BCR: variants seen among roughly 807,000 people sequenced by gnomAD.
The protein encoded by BCR is breakpoint cluster region protein.
Under a neutral mutation model 138.6 loss-of-function variants are expected in BCR, and 58 were observed. The ratio of observed to expected loss-of-function variants is 0.42; its 90% CI spans 0.34 to 0.52. The LOEUF (loss-of-function observed/expected upper bound fraction) is 0.52. Among genes scored for constraint, BCR ranks in the 20% least tolerant of loss-of-function variants. The pLI, the probability that BCR is intolerant of heterozygous loss-of-function variation, is 0.06. For missense variants in BCR, 1,599 were observed against 1,727.2 expected (o/e 0.93, Z 1.32); for synonymous variants, 786 against 730.1 (o/e 1.08, Z -1.23).
intron 16 of BCR, among the ~76,000 whole-genome samples, chr22:23,298,280 C>T (rs939502104): frequency 1.3e-5 from 2 of 152,054 alleles, no homozygotes; most frequent in Non-Finnish European, 2.9e-5. Context: ...CGGGGGATGG[C>T]GTGGGGTGAG....
In BCR at chr22:23,219,185, G is replaced by A. The variant is rs140934358; in HGVS notation, c.1280-34614G>A. On this transcript the variant is annotated intron_variant, in intron 1 of 22. Transcript: ENST00000305877. ...AGTGAAGCAGCAAAGCCCTTAAGCC[G>A]ACAGATGGCCCTGGTGGGGTGTGTC... is the stretch of plus-strand genomic sequence containing the variant. Among the ~76,000 whole-genome samples, 254 of 152,320 alleles carry A rather than the reference G, an allele frequency of 1.7e-3. 1 individual carries two copies. The highest frequency in any genetic ancestry group is 2.6e-3 in the African/African-American group (108 of 41,580).
Position 23,315,557 on chromosome 22 carries a change from G to A in BCR, c.*35G>A, listed in dbSNP as rs1198612023. 1.9e-6 allele frequency: 3 copies of A among 1,593,308 alleles called. No homozygotes were observed. The highest frequency in any genetic ancestry group is 2.6e-6 in the Non-Finnish European group (3 of 1,163,612). On this transcript the variant is annotated 3_prime_UTR_variant, in exon 23 of 23. Coordinates refer to ENST00000305877, the MANE Select transcript of BCR (RefSeq NM_004327.4). ...TCCATCTCCTGGAGGCGGACAGATG[G>A]CCTGGAAACCTCTGGCTAATCGGGC...
chr22:23,184,451 C>T (rs996057492), intron 1 of BCR, among the ~76,000 whole-genome samples: 3 of 152,132 alleles, frequency 2.0e-5, no homozygotes, highest in Non-Finnish European at 4.4e-5. Flanking sequence ...TATTTTCCCT[C>T]AGACAGTTTT....
At chr22:23,182,384 C>A in intron 1 of BCR, 145 bp downstream of exon 1, 1 of 984,232 alleles carries the variant, frequency 1.0e-6, no homozygotes, top group Non-Finnish European at 1.4e-6. Flanking sequence ...GCGGATCCTG[C>A]ACCCGAACAA....
chr22:23,261,215 G>C, intron 3 of BCR, 140 bp from the exon 4 acceptor site: 1 of 1,274,970 alleles, frequency 7.8e-7, no homozygotes. Flanking sequence ...AAACCAAGCT[G>C]GTTTTAAAAT....
intron 12 of BCR, among the ~76,000 whole-genome samples, chr22:23,288,918 C>T (rs199534144): frequency 7.5e-4 from 115 of 152,324 alleles, no homozygotes; most frequent in South Asian, 2.1e-4. Flanking sequence ...TGACCTCCCG[C>T]GCCCTCAGGC....
At chr22:23,289,805 G>A (rs1473603617) in intron 13 of BCR, 184 bp downstream of exon 13, 3 of 611,018 alleles carry the variant, frequency 4.9e-6, no homozygotes, top group African/African-American at 1.8e-5. Flanking sequence ...GTTAGGAGCA[G>A]TTTCTCCCTG....
chr22:23,261,622 G>A, intron 4 of BCR, 82 bp downstream of exon 4: 3 of 1,486,406 alleles, frequency 2.0e-6, no homozygotes, highest in Non-Finnish European at 2.7e-6. Context: ...AGTAGAGACA[G>A]GGTTTTGCTA....
Position 23,181,615 on chromosome 22 carries a change from G to T in BCR, c.655G>T (p.Ala219Ser). 1.2e-6 allele frequency: 2 copies of T among 1,611,872 alleles called. No individual in the cohort carries two copies. The highest frequency in any genetic ancestry group is 8.5e-7 in the Non-Finnish European group (1 of 1,179,990). The change falls in exon 1 of 23, where the codon GCG becomes TCG. Residue 219 changes from alanine (A) to serine (S), a missense_variant. Around this residue, in one of 4 missense-constraint regions of BCR, gnomAD observed 806 missense variants for 635.0 expected, o/e 1.27. Coordinates refer to ENST00000305877, the MANE Select transcript of BCR (RefSeq NM_004327.4). ...QMERKKSQHG[A>S]GSSVGDASRP... ...GGAGCGCAAAAAGTCCCAGCACGGC[G>T]CGGGCTCGAGCGTGGGGGATGCATC... is the stretch of plus-strand genomic sequence containing the variant.
At chr22:23,294,339 C>T (rs1187347086) in intron 15 of BCR, among the ~76,000 whole-genome samples, 2 of 152,276 alleles carry the variant, frequency 1.3e-5, no homozygotes, top group East Asian at 3.9e-4. Flanking sequence ...TAATATCTTA[C>T]AGAATAGTCT....
At chr22:23,295,226 T>G in intron 16 of BCR, 71 bp downstream of exon 16, 1 of 1,499,476 alleles carries the variant, frequency 6.7e-7, no homozygotes, top group Non-Finnish European at 9.1e-7. Context: ...CTGGGGACAC[T>G]GAGATGGTCA....
Position 23,278,228 on chromosome 22 carries a change from A to G in BCR, c.2115+4454A>G, listed in dbSNP as rs543154975. Among the ~76,000 whole-genome samples, 279 of 152,308 alleles carry G rather than the reference A, an allele frequency of 1.8e-3. 3 individuals carry two copies. The highest frequency in any genetic ancestry group is 6.3e-3 in the African/African-American group (262 of 41,558). On this transcript the variant is annotated intron_variant, in intron 8 of 22. Coordinates refer to ENST00000305877, the MANE Select transcript of BCR (RefSeq NM_004327.4). The stretch of plus-strand genomic sequence containing the variant: ...TCCAGTTTGGATGTTCTGTTTCCCA[A>G]GAGCCAGCCAGGCATTGACCTCCAA...
At chr22:23,214,692 C>T (rs2072729925) in intron 1 of BCR, among the ~76,000 whole-genome samples, 1 of 152,206 alleles carries the variant, frequency 6.6e-6, no homozygotes, top group Non-Finnish European at 1.5e-5. Context: ...AACCTGGCAC[C>T]ATTTCCTTCT....
In BCR at chr22:23,181,526, T is replaced by A; in HGVS notation, c.566T>A (p.Val189Glu). Reference sequence around the variant, plus strand: ...GAGTTTCACCACGAGCGCGGCCTGGTGAAGGTCAACGACAAAGAGGTGTCG... The same window carrying A: ...GAGTTTCACCACGAGCGCGGCCTGGAGAAGGTCAACGACAAAGAGGTGTCG... ...NVEFHHERGL[V>E]KVNDKEVSDR... is the part of the protein sequence containing the mutation. Residue 189 changes from valine (V) to glutamate (E), a missense_variant, in exon 1 of 23, where the codon GTG becomes GAG. Val to Glu is a moderately radical substitution (Grantham distance 121). Coordinates refer to ENST00000305877, the MANE Select transcript of BCR (RefSeq NM_004327.4). 1 of 1,612,644 alleles carries A rather than the reference T, an allele frequency of 6.2e-7. No homozygotes were observed. Among genetic ancestry groups the A allele is most frequent in the Non-Finnish European group, 8.5e-7 (1 of 1,179,836 alleles).
Position 23,287,124 on chromosome 22 carries a change from G to A in BCR, c.2407-35G>A, listed in dbSNP as rs1426088490. On this transcript the variant is annotated intron_variant, in intron 10 of 22. Coordinates refer to ENST00000305877, the MANE Select transcript of BCR (RefSeq NM_004327.4). Reference sequence around the variant, plus strand: ...TGGGAGTGGGTTGTGTGGAGCGCTGGAATGGGAAGGTGAGGCTGTGGCATC... The same window carrying A: ...TGGGAGTGGGTTGTGTGGAGCGCTGAAATGGGAAGGTGAGGCTGTGGCATC... 4 of 1,566,246 alleles carry A rather than the reference G, an allele frequency of 2.6e-6. No individual in the cohort carries two copies. The Admixed American group carries it at 5.7e-5, about 22-fold the overall frequency.
At chr22:23,226,025 G>A (rs1317854583) in intron 1 of BCR, among the ~76,000 whole-genome samples, 1 of 152,212 alleles carries the variant, frequency 6.6e-6, no homozygotes, top group South Asian at 2.1e-4. Context: ...GCCCACATCC[G>A]GCGCCCTTTC....
At chr22:23,237,625 C>G (rs974016231) in intron 1 of BCR, among the ~76,000 whole-genome samples, 1 of 152,226 alleles carries the variant, frequency 6.6e-6, no homozygotes, top group African/African-American at 2.4e-5. Flanking sequence ...AAGCTCTGCT[C>G]TGGCCTGATT....
At chr22:23,315,200 G>A (rs1252063136) in intron 22 of BCR, among the ~76,000 whole-genome samples, 1 of 152,042 alleles carries the variant, frequency 6.6e-6, no homozygotes, top group Non-Finnish European at 1.5e-5. Flanking sequence ...CTCCAGCCTG[G>A]GGGACAGAGC....
At chr22:23,262,978 A>T (rs1294778149) in intron 4 of BCR, 1 of 930,272 alleles carries the variant, frequency 1.1e-6, no homozygotes, top group Non-Finnish European at 1.4e-6. Context: ...ATCAAAGGAG[A>T]TGAGGGGAGC....
Sources: gnomAD v4.1 joint callset for allele counts (sites outside exome capture counted in the v4.1 genomes callset) on GRCh38, gnomAD v4.1.1 for gene constraint, gnomAD v4.1.1 regional missense constraint, MANE v1.5 for transcripts, NCBI Gene and HGNC (gene_info 2026-07-23, HGNC 2026-07-21) for gene names.